GUCY1A1: variants seen among roughly 807,000 people sequenced by gnomAD.
GUCY1A1 encodes the protein guanylate cyclase 1 soluble subunit alpha 1.
GUCY1A1 carries 48 observed loss-of-function variants against 64.5 expected under a neutral mutation model. The ratio of observed to expected loss-of-function variants is 0.74; its 90% CI spans 0.59 to 0.95. GUCY1A1 has a LOEUF of 0.95. Among genes scored for constraint, GUCY1A1 ranks in the 40% least tolerant of loss-of-function variants. The probability of loss-of-function intolerance (pLI) is 0.00; values close to 1 mark genes in which losing one functional copy is unlikely to be tolerated. For synonymous variants in GUCY1A1, 308 were observed against 303.4 expected (o/e 1.02, Z -0.16); for missense variants, 804 against 825.3 (o/e 0.97, Z 0.32).
chr4:155,714,600 A>T (rs527763552), intron 7 of GUCY1A1, among the ~76,000 whole-genome samples: 1 of 152,226 alleles, frequency 6.6e-6, no homozygotes, highest in Non-Finnish European at 1.5e-5. Flanking sequence ...GGCTTGAATC[A>T]TCTTCTGAAC....
intron 5 of GUCY1A1, 27 bp downstream of exon 5, chr4:155,708,321 A>T: frequency 2.4e-6 from 3 of 1,250,874 alleles, no homozygotes; most frequent in Non-Finnish European, 3.5e-6. Flanking sequence ...TGTAATTAGA[A>T]AGTATGCCAT....
rs759740043 is a variant in GUCY1A1, at chr4:155,710,866, C to T, written c.701C>T (p.Ser234Leu). The change falls in exon 6 of 10, where the codon TCG becomes TTG. Residue 234 changes from serine to leucine, a missense_variant. Coordinates refer to ENST00000506455, the MANE Select transcript of GUCY1A1 (RefSeq NM_001130682.3). ...TTATATGAAACGGAAGTGGAAGTGT[C>T]GTTAATGCCTCCCTGCTTCCATAAT... ...HVLYETEVEVSLMPPCFHNDC... is the reference protein window; with the variant it reads ...HVLYETEVEVLLMPPCFHNDC... 7.4e-6 allele frequency: 12 copies of T among 1,613,780 alleles called. No individual in the cohort carries two copies. The highest frequency in any genetic ancestry group is 1.7e-5 in the Admixed American group (1 of 60,014).
chr4:155,695,361 C>G (rs1029082061), intron 2 of GUCY1A1, among the ~76,000 whole-genome samples: 2 of 151,774 alleles, frequency 1.3e-5, no homozygotes, highest in African/African-American at 4.8e-5. Context: ...AAAAAAAAAC[C>G]TAATTGAACT....
chr4:155,667,227 G>A (rs1217474684), intron 1 of GUCY1A1, 119 bp from the exon 2 acceptor site: 1 of 152,066 alleles, frequency 6.6e-6, no homozygotes, highest in East Asian at 1.9e-4. Context: ...AAGCGTAAGT[G>A]CCGCTGCCGC....
intron 9 of GUCY1A1, among the ~76,000 whole-genome samples, chr4:155,728,702 A>C (rs2110738390): frequency 6.6e-6 from 1 of 151,970 alleles, no homozygotes; most frequent in Non-Finnish European, 1.5e-5. Flanking sequence ...ACTTACTGTT[A>C]CCAATATGAT....
chr4:155,734,715 T>G lies in GUCY1A1; in HGVS notation c.*4484T>G, dbSNP rs571549499. The G allele has an allele frequency of 6.6e-6, 1 of 152,100 alleles. No homozygotes were observed. Among genetic ancestry groups the G allele is most frequent in the East Asian group, 1.9e-4 (1 of 5,148 alleles). The allele number at this position is 152,100 out of a possible 1,614,324, so 9.4% of individuals were successfully genotyped here. On this transcript the variant is annotated 3_prime_UTR_variant, in exon 10 of 10. Transcript: ENST00000506455. ...CTCCTCCAAAACAGAAATTCAGTGC[T>G]GCAGAGACGGTAGCAAAGTGCAGTT...
chr4:155,668,690 A>C (rs73858151), intron 2 of GUCY1A1, among the ~76,000 whole-genome samples: 4,346 of 152,200 alleles, frequency 0.029, 176 homozygotes, highest in African/African-American at 0.096. Flanking sequence ...TTTTTTCTTT[A>C]AGAGTGATCA....
chr4:155,702,411 T>G (rs1731207201), intron 3 of GUCY1A1, among the ~76,000 whole-genome samples: 1 of 152,212 alleles, frequency 6.6e-6, no homozygotes, highest in African/African-American at 2.4e-5. Context: ...GCACCCTGGC[T>G]GATTTACTTC....
At position 155,704,957 on chromosome 4, in the gene GUCY1A1, C is replaced by T. The variant is rs564494442; in HGVS notation, c.317+964C>T. On this transcript the variant is annotated intron_variant, in intron 4 of 9. Transcript: ENST00000506455. ...GCTGGAGTGCAGTGCAATCTTGGCT[C>T]ACTACAACCTCTGCCTCCCTGGCTC... is the stretch of plus-strand genomic sequence containing the variant. 2.0e-5 allele frequency among the ~76,000 whole-genome samples: 3 copies of T among 152,320 alleles called. No homozygotes were observed. The South Asian group carries it at 6.2e-4, about 32-fold the overall frequency.
intron 3 of GUCY1A1, among the ~76,000 whole-genome samples, chr4:155,698,755 C>T (rs1445163645): frequency 6.6e-6 from 1 of 152,152 alleles, no homozygotes; most frequent in African/African-American, 2.4e-5. Context: ...CTTTTTCATT[C>T]ATTCTTCTTT....
At chr4:155,712,353 A>G (rs1188520589) in intron 6 of GUCY1A1, among the ~76,000 whole-genome samples, 1 of 152,128 alleles carries the variant, frequency 6.6e-6, no homozygotes, top group African/African-American at 2.4e-5. Flanking sequence ...GCTGGTCTTG[A>G]ACTCCTGACC....
chr4:155,704,741 A>G (rs910944322), intron 4 of GUCY1A1, among the ~76,000 whole-genome samples: 3 of 151,946 alleles, frequency 2.0e-5, no homozygotes, highest in African/African-American at 7.3e-5. Flanking sequence ...TTTTAGAAAC[A>G]GGGTCTCACT....
At chr4:155,704,557 G>T (rs1731492600) in intron 4 of GUCY1A1, among the ~76,000 whole-genome samples, 1 of 149,348 alleles carries the variant, frequency 6.7e-6, no homozygotes, top group African/African-American at 2.5e-5. Context: ...GGTTCCGGGG[G>T]GTAGCAGCTG....
chr4:155,687,593 T>C (rs1390703262), intron 2 of GUCY1A1, among the ~76,000 whole-genome samples: 1 of 152,180 alleles, frequency 6.6e-6, no homozygotes. Flanking sequence ...GTAGCAGTGC[T>C]TTTCTAAGTG....
At chr4:155,716,453 G>A (rs1733243624) in intron 7 of GUCY1A1, among the ~76,000 whole-genome samples, 1 of 152,086 alleles carries the variant, frequency 6.6e-6, no homozygotes, top group Non-Finnish European at 1.5e-5. Context: ...GATAAAAATT[G>A]CCTGTAACGA....
intron 8 of GUCY1A1, among the ~76,000 whole-genome samples, chr4:155,720,377 A>G (rs927054597): frequency 6.7e-6 from 1 of 148,332 alleles, no homozygotes; most frequent in South Asian, 2.1e-4. Flanking sequence ...CTATCTATCT[A>G]TCACTTGCTA....
chr4:155,680,948 T>C (rs199778378), intron 2 of GUCY1A1, among the ~76,000 whole-genome samples: 21 of 111,012 alleles, frequency 1.9e-4, no homozygotes, highest in South Asian at 3.0e-4. Flanking sequence ...CACACACACA[T>C]GCACACACAC....
intron 2 of GUCY1A1, among the ~76,000 whole-genome samples, chr4:155,674,077 C>T (rs568882069): frequency 6.0e-5 from 9 of 151,082 alleles, no homozygotes; most frequent in Admixed American, 2.0e-4. Context: ...GTGCTATGGC[C>T]GGGCGTGGTG....
At chr4:155,698,561 AT>A (rs898497503) in intron 3 of GUCY1A1, among the ~76,000 whole-genome samples, 24 of 152,248 alleles carry the variant, frequency 1.6e-4, no homozygotes, top group African/African-American at 5.8e-4. Flanking sequence ...TGGCTTTATC[AT>A]TTTGTTTGGT....
Sources: allele counts gnomAD v4.1 joint callset (sites outside exome capture counted in the v4.1 genomes callset), GRCh38; gene constraint gnomAD v4.1.1; transcripts MANE v1.5; gene names NCBI Gene and HGNC (gene_info 2026-07-23, HGNC 2026-07-21).